VCF2: variants seen among roughly 807,000 people sequenced by gnomAD.
VCF2 encodes VCP nuclear cofactor family member 2.
chrX:55,152,009 A>G, the VCF2 span, among the ~76,000 whole-genome samples: 1 of 100,669 alleles, frequency 9.9e-6, no homozygotes, highest in Non-Finnish European at 2.0e-5. Flanking sequence ...CTCCTGCCTC[A>G]GCCTCCCAAG....
the VCF2 span, among the ~76,000 whole-genome samples, chrX:55,156,756 T>C: frequency 1.1e-4 from 12 of 110,994 alleles, no homozygotes; most frequent in Admixed American, 8.6e-4. Flanking sequence ...TATAATAGAA[T>C]CTATACAACT....
chrX:55,159,203 C>T, the VCF2 span: 7 of 1,205,862 alleles, frequency 5.8e-6, no homozygotes, highest in Non-Finnish European at 7.8e-6. Context: ...TGGTTGCCCT[C>T]TTTACTGCCA....
chrX:55,158,316 A>T, the VCF2 span, among the ~76,000 whole-genome samples: 3 of 112,203 alleles, frequency 2.7e-5, no homozygotes, highest in Admixed American at 2.8e-4. Context: ...TATTATGCTA[A>T]TGAATACAAG....
At chrX:55,151,473 C>T in the VCF2 span, among the ~76,000 whole-genome samples, 1 of 112,587 alleles carries the variant, frequency 8.9e-6, no homozygotes, top group Non-Finnish European at 1.9e-5. Flanking sequence ...TCCATGGCTG[C>T]GCCCAAGGCG....
the VCF2 span, among the ~76,000 whole-genome samples, chrX:55,148,016 A>C: frequency 9.0e-6 from 1 of 111,129 alleles, no homozygotes; most frequent in Non-Finnish European, 1.9e-5. Context: ...TTCATACAAC[A>C]GAATCTCATC....
At chrX:55,145,610 T>C in the VCF2 span, 3 of 756,248 alleles carry the variant, frequency 4.0e-6, no homozygotes, top group Admixed American at 8.3e-5. Flanking sequence ...GCTTTGCATA[T>C]TTGGGAATAC....
chrX:55,152,101 C>T, the VCF2 span, among the ~76,000 whole-genome samples: 82 of 108,110 alleles, frequency 7.6e-4, no homozygotes, highest in African/African-American at 2.6e-3. Context: ...CCGTTTTAGC[C>T]GGGATGGTCT....
the VCF2 span, among the ~76,000 whole-genome samples, chrX:55,155,467 T>C: frequency 1.8e-5 from 2 of 111,610 alleles, no homozygotes; most frequent in African/African-American, 3.3e-5. Context: ...AAAGGAATCA[T>C]TGAGGAAATG....
chrX:55,160,815 G>A, the VCF2 span: 5 of 1,150,013 alleles, frequency 4.3e-6, no homozygotes, highest in Non-Finnish European at 5.8e-6. Context: ...TTTTCGCGAG[G>A]GACCACATCC....
the VCF2 span, among the ~76,000 whole-genome samples, chrX:55,144,936 G>T: frequency 1.8e-5 from 2 of 112,797 alleles, no homozygotes; most frequent in African/African-American, 6.4e-5. Flanking sequence ...CTGGTCCTTT[G>T]TTCACACAGC....
At chrX:55,148,202 G>GA in the VCF2 span, among the ~76,000 whole-genome samples, 1 of 109,819 alleles carries the variant, frequency 9.1e-6, no homozygotes, top group Non-Finnish European at 1.9e-5. Flanking sequence ...AAATGTAATA[G>GA]AAAAAATGCC....
chrX:55,143,784 C>T, the VCF2 span: 5 of 1,190,393 alleles, frequency 4.2e-6, no homozygotes, highest in African/African-American at 7.1e-5. Context: ...TAGTTTTAAA[C>T]AGCTTGGTTC....
the VCF2 span, among the ~76,000 whole-genome samples, chrX:55,158,677 T>A: frequency 9.0e-6 from 1 of 111,485 alleles, no homozygotes; most frequent in Admixed American, 9.5e-5. Flanking sequence ...CTATTCTATA[T>A]CAATAAAAAA....
At chrX:55,159,106 GGC>G in the VCF2 span, 2 of 1,122,269 alleles carry the variant, frequency 1.8e-6, no homozygotes, top group Admixed American at 4.8e-5. Flanking sequence ...ATGAAATAGA[GGC>G]AATCTGACCA....
the VCF2 span, chrX:55,159,083 G>C: frequency 4.1e-6 from 4 of 987,339 alleles, no homozygotes; most frequent in African/African-American, 1.9e-5. Context: ...GGATAATTTA[G>C]TGTAGGCAAT....
chrX:55,154,992 G>T, the VCF2 span, among the ~76,000 whole-genome samples: 1 of 112,337 alleles, frequency 8.9e-6, no homozygotes, highest in Non-Finnish European at 1.9e-5. Context: ...AATGCTGACT[G>T]GGGAAATAGA....
chrX:55,155,645 G>C, the VCF2 span, among the ~76,000 whole-genome samples: 1 of 111,607 alleles, frequency 9.0e-6, no homozygotes, highest in Non-Finnish European at 1.9e-5. Flanking sequence ...AGCACGAATG[G>C]AGGTGAGAAA....
chrX:55,155,929 T>TTTC, the VCF2 span, among the ~76,000 whole-genome samples: 11 of 94,973 alleles, frequency 1.2e-4, no homozygotes, highest in Admixed American at 3.7e-4. Flanking sequence ...AGTATTTTAC[T>TTTC]TTCTTCTTCT....
chrX:55,154,194 C>T, the VCF2 span, among the ~76,000 whole-genome samples: 5 of 111,828 alleles, frequency 4.5e-5, no homozygotes, highest in Middle Eastern at 4.2e-3. Context: ...GCAATTGCAG[C>T]TCACTGTGGC....
Sources: allele counts gnomAD v4.1 joint callset (sites outside exome capture counted in the v4.1 genomes callset), GRCh38; gene constraint gnomAD v4.1.1; transcripts MANE v1.5; gene names NCBI Gene and HGNC (gene_info 2026-07-23, HGNC 2026-07-21).